Variants in DNAH7 observed in about 807,000 individuals in gnomAD.
The protein encoded by DNAH7 is dynein axonemal heavy chain 7, also known as axonemal beta dynein heavy chain 7.
Under a neutral mutation model 444.6 loss-of-function variants are expected in DNAH7, and 397 were observed. The observed-to-expected ratio is 0.89, with a 90% confidence interval of 0.82 to 0.97. The LOEUF (loss-of-function observed/expected upper bound fraction) is 0.97, where lower values mean the gene tolerates loss of function less well. Among genes scored for constraint, DNAH7 ranks in the 50% least tolerant of loss-of-function variants. The pLI is 0.00. For missense variants in DNAH7, 4,902 were observed against 4,800.8 expected, an observed-to-expected ratio of 1.02 and a Z score of -0.62; for synonymous variants, 1,636 against 1,624.4, an observed-to-expected ratio of 1.01 and a Z score of -0.17.
At chr2:195,930,624 T>C (rs905612908) in intron 21 of DNAH7, among the ~76,000 whole-genome samples, 6 of 152,114 alleles carry the variant, frequency 3.9e-5, no homozygotes, top group Admixed American at 1.3e-4. Context: ...TGGAGATCTC[T>C]CAAAGAACTT....
At chr2:195,770,201 A>G (rs757404733) in intron 61 of DNAH7, among the ~76,000 whole-genome samples, 97 of 152,206 alleles carry the variant, frequency 6.4e-4, no homozygotes, top group Non-Finnish European at 1.3e-3. Flanking sequence ...GGATTTCTCA[A>G]TCATATCATT....
chr2:195,744,845 A>C (rs932830802), intron 63 of DNAH7, among the ~76,000 whole-genome samples: 1 of 152,138 alleles, frequency 6.6e-6, no homozygotes, highest in African/African-American at 2.4e-5. Flanking sequence ...CACACCAAAA[A>C]CCCATCTGTA....
At chr2:195,793,601 A>G (rs1369788833) in intron 57 of DNAH7, among the ~76,000 whole-genome samples, 1 of 152,208 alleles carries the variant, frequency 6.6e-6, no homozygotes, top group African/African-American at 2.4e-5. Flanking sequence ...TTAGTTTTAA[A>G]TATAGGCCCC....
chr2:195,982,279 A>AT (rs1692625430), intron 15 of DNAH7, among the ~76,000 whole-genome samples: 1 of 152,222 alleles, frequency 6.6e-6, no homozygotes, highest in Non-Finnish European at 1.5e-5. Context: ...CTACAATGAC[A>AT]TATCATTTCA....
At chr2:195,985,257 G>C (rs1248584291) in intron 14 of DNAH7, among the ~76,000 whole-genome samples, 1 of 152,148 alleles carries the variant, frequency 6.6e-6, no homozygotes, top group East Asian at 1.9e-4. Flanking sequence ...GAAACGAATA[G>C]AACAATTCTT....
chr2:195,847,322 T>C (rs1030124840), intron 46 of DNAH7, among the ~76,000 whole-genome samples: 10 of 150,650 alleles, frequency 6.6e-5, no homozygotes, highest in Non-Finnish European at 1.2e-4. Flanking sequence ...TAAAAAAGAG[T>C]AAGATCATGT....
intron 63 of DNAH7, among the ~76,000 whole-genome samples, chr2:195,747,268 CAA>C (rs1693481769): frequency 6.6e-6 from 1 of 152,136 alleles, no homozygotes; most frequent in Non-Finnish European, 1.5e-5. Flanking sequence ...ATAAATTCCA[CAA>C]CACATATATC....
intron 41 of DNAH7, among the ~76,000 whole-genome samples, chr2:195,863,161 G>C (rs1700120960): frequency 6.6e-6 from 1 of 152,244 alleles, no homozygotes; most frequent in Non-Finnish European, 1.5e-5. Context: ...TCTATTTCAT[G>C]TGCTTCATCT....
intron 48 of DNAH7, among the ~76,000 whole-genome samples, chr2:195,825,395 A>G (rs1697690346): frequency 6.6e-6 from 1 of 152,178 alleles, no homozygotes; most frequent in African/African-American, 2.4e-5. Flanking sequence ...TGAATTTTGC[A>G]TGCTAATTAT....
At chr2:195,805,787 T>C (rs1317431988) in intron 54 of DNAH7, among the ~76,000 whole-genome samples, 1 of 152,202 alleles carries the variant, frequency 6.6e-6, no homozygotes, top group African/African-American at 2.4e-5. Flanking sequence ...TAATGGATAC[T>C]TGGGCCTTGG....
At chr2:195,988,501 C>A (rs747199728) in intron 12 of DNAH7, among the ~76,000 whole-genome samples, 1 of 151,804 alleles carries the variant, frequency 6.6e-6, no homozygotes, top group Non-Finnish European at 1.5e-5. Context: ...AAAATATATA[C>A]AAAATAATAT....
In DNAH7 at chr2:195,922,173, T is replaced by C. The variant is rs1574777923; in HGVS notation, c.3850A>G (p.Ile1284Val). The C allele has an allele frequency of 3.1e-6, 5 of 1,611,786 alleles. No individual in the cohort carries two copies. The Middle Eastern group carries it at 8.3e-4, about 266-fold the overall frequency. The change falls in exon 24 of 65, where the codon ATC becomes GTC. Residue 1284 changes from isoleucine (I) to valine (V), a missense_variant. By Grantham distance (29) the Ile-to-Val change is conservative. Transcript: ENST00000312428. ...WQENHLETKM[I>V]NAGLRYGYEY... Reference sequence around the variant, plus strand: ...TATCCATATCGCAAACCAGCATTGATCATTTTTGTTTCTAAATGATTTTCC... The same window carrying C: ...TATCCATATCGCAAACCAGCATTGACCATTTTTGTTTCTAAATGATTTTCC...
chr2:195,766,217 A>G (rs1694581653), intron 61 of DNAH7, among the ~76,000 whole-genome samples: 1 of 91,072 alleles, frequency 1.1e-5, no homozygotes, highest in Non-Finnish European at 2.3e-5. Context: ...TCTGTCACCC[A>G]GGCTGGAGGG....
intron 55 of DNAH7, among the ~76,000 whole-genome samples, chr2:195,797,305 G>A (rs1696195944): frequency 1.3e-5 from 2 of 152,170 alleles, no homozygotes; most frequent in Admixed American, 6.5e-5. Context: ...CCTTTCTGGG[G>A]TAGTTATCAC....
chr2:195,857,269 A>C, intron 44 of DNAH7, 108 bp downstream of exon 44: 9 of 976,874 alleles, frequency 9.2e-6, no homozygotes, highest in Non-Finnish European at 1.3e-5. Flanking sequence ...TTCAGACAGG[A>C]TTTTCCAAGG....
intron 9 of DNAH7, among the ~76,000 whole-genome samples, chr2:196,013,748 G>T (rs1694850641): frequency 6.6e-6 from 1 of 152,270 alleles, no homozygotes; most frequent in Middle Eastern, 3.4e-3. Context: ...GCATAATTGA[G>T]CAATGTAATG....
chr2:195,742,060 T>G (rs1693072684), intron 63 of DNAH7, among the ~76,000 whole-genome samples: 1 of 152,210 alleles, frequency 6.6e-6, no homozygotes, highest in South Asian at 2.1e-4. Context: ...TCAGTTTTAT[T>G]AATTGACAAA....
chr2:195,903,241 A>T (rs1165952942), intron 27 of DNAH7: 3 of 130,284 alleles, frequency 2.3e-5, no homozygotes, highest in African/African-American at 6.7e-5. Context: ...TTGGTACAAT[A>T]AAAAAAAAAT....
intron 46 of DNAH7, among the ~76,000 whole-genome samples, chr2:195,850,108 A>G (rs1399560329): frequency 6.6e-6 from 1 of 152,216 alleles, no homozygotes; most frequent in African/African-American, 2.4e-5. Context: ...GTTACCACAG[A>G]TGAACTCTGG....
Sources: gnomAD v4.1 joint callset for allele counts (sites outside exome capture counted in the v4.1 genomes callset) on GRCh38, gnomAD v4.1.1 for gene constraint, MANE v1.5 for transcripts, NCBI Gene and HGNC (gene_info 2026-07-23, HGNC 2026-07-21) for gene names.